PRDM6: variants seen among roughly 807,000 people sequenced by gnomAD.
The protein encoded by PRDM6 is putative histone-lysine N-methyltransferase PRDM6.
PRDM6 carries 25 observed loss-of-function variants against 60.8 expected under a neutral mutation model. That is an observed-to-expected ratio of 0.41 (90% CI 0.30 to 0.57). The LOEUF (loss-of-function observed/expected upper bound fraction) is 0.57. Among genes scored for constraint, PRDM6 ranks in the 20% least tolerant of loss-of-function variants. The pLI is 0.27. For missense variants in PRDM6, 839 were observed against 821.3 expected (o/e 1.02, Z -0.26); for synonymous variants, 407 against 357.4 (o/e 1.14, Z -1.57).
chr5:123,186,752 T>A (rs1355281547), intron 7 of PRDM6, among the ~76,000 whole-genome samples: 4 of 152,252 alleles, frequency 2.6e-5, no homozygotes, highest in Middle Eastern at 3.2e-3. Context: ...AGTAGAAAAC[T>A]GCAGGCAAGC....
chr5:123,104,241 A>G (rs1482970272), intron 3 of PRDM6, among the ~76,000 whole-genome samples: 1 of 152,132 alleles, frequency 6.6e-6, no homozygotes, highest in Non-Finnish European at 1.5e-5. Flanking sequence ...AAATGTTTAT[A>G]TTTCAAAACC....
At chr5:123,115,519 T>C (rs576992987) in intron 3 of PRDM6, among the ~76,000 whole-genome samples, 1 of 152,344 alleles carries the variant, frequency 6.6e-6, no homozygotes, top group South Asian at 2.1e-4. Flanking sequence ...ACTTTAATTA[T>C]GTTTTATCAT....
At position 123,159,483 on chromosome 5, in the gene PRDM6, A is replaced by G. The variant is rs968657157; in HGVS notation, c.1029-31A>G. On this transcript the variant is annotated intron_variant, in intron 4 of 7. Transcript: ENST00000407847. ...TGGGGGCACATGAGTCCTATGTATTACTAAGCTGGGTTTTCTTTTGTTTTG... is the reference window on the plus strand; with the variant it reads ...TGGGGGCACATGAGTCCTATGTATTGCTAAGCTGGGTTTTCTTTTGTTTTG... 1.9e-6 allele frequency: 3 copies of G among 1,548,806 alleles called. No homozygotes were observed. The African/African-American group carries it at 4.1e-5, about 21-fold the overall frequency.
intron 3 of PRDM6, among the ~76,000 whole-genome samples, chr5:123,132,097 C>T (rs1764845845): frequency 6.6e-6 from 1 of 152,156 alleles, no homozygotes; most frequent in South Asian, 2.1e-4. Context: ...CCAACCTAGA[C>T]ATATCCCCTT....
rs1763806559 is a variant in PRDM6 at position 123,090,488 on chromosome 5, G to GGAGGGTCGCGGCGCC, written c.475_489dup (p.Glu159_Ala163dup). 4.0e-6 allele frequency: 6 copies of GGAGGGTCGCGGCGCC among 1,486,714 alleles called. No individual in the cohort carries two copies. Among genetic ancestry groups the GGAGGGTCGCGGCGCC allele is most frequent in the Non-Finnish European group, 5.3e-6 (6 of 1,127,130 alleles). 92.1% of individuals were successfully genotyped at this position (1,486,714 alleles called of 1,614,324 possible). A position where few individuals can be genotyped will look rare whatever the true frequency, so the allele number is the denominator to read the frequency against. ...GCGGTGGTGGTGGCGGCGGCGGCGG[G>GGAGGGTCGCGGCGCC]GAGGGTCGCGGCGCCCCGCGCTTCC... On this transcript the variant is annotated inframe_insertion, in exon 2 of 8. Transcript: ENST00000407847.
intron 4 of PRDM6, among the ~76,000 whole-genome samples, chr5:123,159,285 G>T (rs1215273738): frequency 1.3e-5 from 2 of 152,094 alleles, no homozygotes; most frequent in Non-Finnish European, 2.9e-5. Context: ...TGTCTCTTCA[G>T]CCAGTTCATT....
At chr5:123,125,434 A>G (rs1764673639) in intron 3 of PRDM6, among the ~76,000 whole-genome samples, 1 of 152,234 alleles carries the variant, frequency 6.6e-6, no homozygotes, top group South Asian at 2.1e-4. Context: ...CATTGTTTTA[A>G]TATGACAAAT....
chr5:123,110,527 C>T (rs1260814016), intron 3 of PRDM6, among the ~76,000 whole-genome samples: 10 of 149,416 alleles, frequency 6.7e-5, no homozygotes, highest in Admixed American at 6.7e-4. Flanking sequence ...TGTGGGATTA[C>T]AGGCGTGAGC....
chr5:123,170,010 C>T (rs1187670463), intron 5 of PRDM6, among the ~76,000 whole-genome samples: 4 of 152,160 alleles, frequency 2.6e-5, no homozygotes. Context: ...TTCCTGAACA[C>T]TGGTTCTATT....
In PRDM6 at chr5:123,109,129, G is replaced by A. The variant is rs188583938; in HGVS notation, c.900+9168G>A. Reference sequence around the variant, plus strand: ...AAAGCGTTTCTGGGGTCTATGAGGAGATTATAATGGTCTCCAGGAAAGGAA... The same window carrying A: ...AAAGCGTTTCTGGGGTCTATGAGGAAATTATAATGGTCTCCAGGAAAGGAA... On this transcript the variant is annotated intron_variant, in intron 3 of 7. Transcript: ENST00000407847. Among the ~76,000 whole-genome samples, 34 of 152,212 alleles carry A rather than the reference G, an allele frequency of 2.2e-4. No homozygotes were observed. The East Asian group carries it at 6.2e-3, about 28-fold the overall frequency.
intron 3 of PRDM6, among the ~76,000 whole-genome samples, chr5:123,105,407 C>T (rs1243869305): frequency 3.3e-5 from 5 of 152,186 alleles, no homozygotes; most frequent in African/African-American, 7.2e-5. Flanking sequence ...AAGAAGCCTG[C>T]AGGGGAATCT....
chr5:123,136,084 G>A (rs546276516), intron 3 of PRDM6, among the ~76,000 whole-genome samples: 59 of 152,272 alleles, frequency 3.9e-4, no homozygotes, highest in African/African-American at 1.3e-3. Flanking sequence ...TCTGCTAGAC[G>A]TGCATGGGTT....
intron 3 of PRDM6, among the ~76,000 whole-genome samples, chr5:123,140,390 T>G (rs889164032): frequency 2.0e-5 from 3 of 152,188 alleles, no homozygotes; most frequent in African/African-American, 7.2e-5. Flanking sequence ...GGTTATGTGA[T>G]ATAGTTTTTA....
At chr5:123,111,494 C>T (rs989122813) in intron 3 of PRDM6, among the ~76,000 whole-genome samples, 10 of 152,102 alleles carry the variant, frequency 6.6e-5, no homozygotes, top group African/African-American at 1.7e-4. Flanking sequence ...GTCAGGAGAT[C>T]GAGACCATCC....
chr5:123,159,815 A>G (rs1580527502), intron 5 of PRDM6, among the ~76,000 whole-genome samples, 177 bp downstream of exon 5: 2 of 152,192 alleles, frequency 1.3e-5, no homozygotes, highest in South Asian at 4.1e-4. Context: ...TCTCTAGGGC[A>G]TCTTAACCTG....
chr5:123,159,772 C>A, intron 5 of PRDM6, 134 bp downstream of exon 5: 1 of 886,790 alleles, frequency 1.1e-6, no homozygotes, highest in Non-Finnish European at 1.7e-6. Context: ...AAGTCTATTC[C>A]ATCGTTTTCT....
intron 3 of PRDM6, among the ~76,000 whole-genome samples, chr5:123,125,172 G>A (rs1253521288): frequency 8.6e-6 from 1 of 116,210 alleles, no homozygotes; most frequent in African/African-American, 4.0e-5. Context: ...CGCCGGCCCC[G>A]CCACACACAC....
chr5:123,093,432 A>C (rs1211438282), intron 2 of PRDM6, among the ~76,000 whole-genome samples: 2 of 152,190 alleles, frequency 1.3e-5, no homozygotes, highest in South Asian at 4.1e-4. Flanking sequence ...TGGGGCTTGT[A>C]GCTCTCTTTC....
Position 123,090,308 on chromosome 5 carries a change from T to TGCGGCC in PRDM6, c.297_302dup (p.Ala103_Ala104dup), listed in dbSNP as rs1763795844. ...CCTCCTCCGCCTCCTCCTGCGCTGC[T>TGCGGCC]GCGGCCGCTGCCGCCGCGCTGGCTG... On this transcript the variant is annotated inframe_insertion, in exon 2 of 8. Coordinates refer to ENST00000407847, the MANE Select transcript of PRDM6 (RefSeq NM_001136239.4). 7.6e-7 allele frequency: 1 copy of TGCGGCC among 1,322,478 alleles called. No individual in the cohort carries two copies. The highest frequency in any genetic ancestry group is 1.4e-5 in the South Asian group (1 of 69,586). 81.9% of individuals were successfully genotyped at this position (1,322,478 alleles called of 1,614,324 possible). A position where few individuals can be genotyped will look rare whatever the true frequency, so the allele number is the denominator to read the frequency against.
Sources: gnomAD v4.1 joint callset for allele counts (sites outside exome capture counted in the v4.1 genomes callset) on GRCh38, gnomAD v4.1.1 for gene constraint, MANE v1.5 for transcripts, NCBI Gene and HGNC (gene_info 2026-07-23, HGNC 2026-07-21) for gene names.